NOS1AP: variants seen among roughly 807,000 people sequenced by gnomAD.
NOS1AP encodes carboxyl-terminal PDZ ligand of neuronal nitric oxide synthase protein.
A neutral mutation model predicts 56.2 loss-of-function variants in NOS1AP; 21 were observed. That is an observed-to-expected ratio of 0.37 (90% CI 0.26 to 0.54). The LOEUF (loss-of-function observed/expected upper bound fraction) is 0.54, where lower values mean the gene tolerates loss of function less well. NOS1AP is among the 20% of genes least tolerant of loss of function. NOS1AP has a pLI of 0.84. For synonymous variants in NOS1AP, 270 were observed against 274.6 expected (o/e 0.98, Z 0.17); for missense variants, 522 against 657.8 (o/e 0.79, Z 2.26).
chr1:162,122,250 T>A (rs56120039), intron 1 of NOS1AP, among the ~76,000 whole-genome samples: 2,405 of 152,298 alleles, frequency 0.016, 70 homozygotes, highest in African/African-American at 0.055. Context: ...ATATCATCAG[T>A]GTTAAAAAAC....
In NOS1AP at chr1:162,170,182, G is replaced by C. The variant is rs369236786; in HGVS notation, c.177+15706G>C. Among the ~76,000 whole-genome samples, 21 of 152,316 alleles carry C rather than the reference G, an allele frequency of 1.4e-4. 1 individual carries two copies. The highest frequency in any genetic ancestry group is 4.8e-4 in the African/African-American group (20 of 41,568). On this transcript the variant is annotated intron_variant, in intron 2 of 9. Coordinates refer to ENST00000361897, the MANE Select transcript of NOS1AP (RefSeq NM_014697.3). ...AGCAGTGACCTTGTGTTGGTCACAT[G>C]TGTCCCCTGAAGGATACAGCTCAGT... is the stretch of plus-strand genomic sequence containing the variant.
chr1:162,352,684 G>A lies in NOS1AP; in HGVS notation c.596-2503G>A, dbSNP rs139046119. On this transcript the variant is annotated intron_variant, in intron 6 of 9. Coordinates refer to ENST00000361897, the MANE Select transcript of NOS1AP (RefSeq NM_014697.3). Reference sequence around the variant, plus strand: ...GCTGCCTTTTTGCTGTGTCCTCACAGGGTGGAAAGAGAGGGATCTCCTACA... The same window carrying A: ...GCTGCCTTTTTGCTGTGTCCTCACAAGGTGGAAAGAGAGGGATCTCCTACA... 5.2e-4 allele frequency among the ~76,000 whole-genome samples: 79 copies of A among 151,986 alleles called. 1 individual carries two copies. The highest frequency in any genetic ancestry group is 1.8e-3 in the African/African-American group (76 of 41,292).
At chr1:162,302,985 TTGCA>T (rs1278261134) in intron 4 of NOS1AP, among the ~76,000 whole-genome samples, 1 of 152,238 alleles carries the variant, frequency 6.6e-6, no homozygotes, top group Non-Finnish European at 1.5e-5. Context: ...TTCCTTGTCA[TTGCA>T]TGTATCAGCA....
At chr1:162,161,125 G>A (rs1000558703) in intron 2 of NOS1AP, among the ~76,000 whole-genome samples, 8 of 152,144 alleles carry the variant, frequency 5.3e-5, no homozygotes, top group African/African-American at 7.2e-5. Context: ...AAGGTCCCTC[G>A]TTATTAGATT....
At chr1:162,136,436 C>T (rs1048984303) in intron 1 of NOS1AP, among the ~76,000 whole-genome samples, 2 of 152,094 alleles carry the variant, frequency 1.3e-5, no homozygotes, top group Admixed American at 1.3e-4. Flanking sequence ...AAAAGAAATG[C>T]AAGACATCAT....
chr1:162,174,681 C>T (rs1448195243), intron 2 of NOS1AP, among the ~76,000 whole-genome samples: 2 of 152,176 alleles, frequency 1.3e-5, no homozygotes, highest in Non-Finnish European at 2.9e-5. Context: ...CTATTATCAG[C>T]ATCTAATGTT....
intron 1 of NOS1AP, among the ~76,000 whole-genome samples, chr1:162,090,226 A>G (rs1692098867): frequency 6.6e-6 from 1 of 150,980 alleles, no homozygotes; most frequent in Non-Finnish European, 1.5e-5. Flanking sequence ...TGAATATTAA[A>G]TCTGTGGTTG....
intron 4 of NOS1AP, among the ~76,000 whole-genome samples, chr1:162,312,063 A>G (rs1173364865): frequency 4.0e-5 from 6 of 149,640 alleles, no homozygotes; most frequent in African/African-American, 1.5e-4. Flanking sequence ...GTGTCTTTAT[A>G]GCAGCATGAT....
chr1:162,226,234 G>C (rs371616229), intron 2 of NOS1AP, among the ~76,000 whole-genome samples: 1 of 151,986 alleles, frequency 6.6e-6, no homozygotes, highest in Non-Finnish European at 1.5e-5. Context: ...CAGAGGTTGC[G>C]GTGAGCTGAG....
chr1:162,349,217 T>G (rs1657408398), intron 6 of NOS1AP, among the ~76,000 whole-genome samples: 2 of 151,910 alleles, frequency 1.3e-5, no homozygotes, highest in Admixed American at 6.6e-5. Context: ...AAAAAGACCT[T>G]CAACTGATTG....
chr1:162,330,759 A>G (rs1656740439), intron 4 of NOS1AP, among the ~76,000 whole-genome samples: 1 of 152,256 alleles, frequency 6.6e-6, no homozygotes, highest in African/African-American at 2.4e-5. Flanking sequence ...GCAGAGCAGC[A>G]CACTGTTTAC....
chr1:162,163,135 T>G (rs1231688988), intron 2 of NOS1AP, among the ~76,000 whole-genome samples: 1 of 152,240 alleles, frequency 6.6e-6, no homozygotes, highest in Admixed American at 6.5e-5. Context: ...GTATCAGTAC[T>G]TCATTTCTTT....
chr1:162,189,550 G>GACA (rs1200246179), intron 2 of NOS1AP, among the ~76,000 whole-genome samples: 1 of 152,164 alleles, frequency 6.6e-6, no homozygotes, highest in Non-Finnish European at 1.5e-5. Flanking sequence ...ATCAGTATCT[G>GACA]ACAGAATGTT....
At chr1:162,295,440 T>G (rs146800283) in intron 3 of NOS1AP, among the ~76,000 whole-genome samples, 1,713 of 152,374 alleles carry the variant, frequency 0.011, 27 homozygotes, top group South Asian at 0.032. Context: ...CTATCTATTT[T>G]TGAAGCCAAC....
chr1:162,174,302 C>T (rs143221071), intron 2 of NOS1AP, among the ~76,000 whole-genome samples: 3,341 of 150,630 alleles, frequency 0.022, 119 homozygotes, highest in African/African-American at 0.078. Context: ...AGCAAACTAT[C>T]GCAACGACAA....
At chr1:162,254,639 G>A (rs1395045917) in intron 2 of NOS1AP, among the ~76,000 whole-genome samples, 4 of 152,300 alleles carry the variant, frequency 2.6e-5, no homozygotes, top group African/African-American at 4.8e-5. Flanking sequence ...AAGAGGATGC[G>A]ACTGGTGAAT....
chr1:162,306,334 G>C (rs1655825763), intron 4 of NOS1AP, among the ~76,000 whole-genome samples: 1 of 152,178 alleles, frequency 6.6e-6, no homozygotes, highest in African/African-American at 2.4e-5. Context: ...AGGAGAGCTT[G>C]ATGCCAAGCT....
intron 1 of NOS1AP, among the ~76,000 whole-genome samples, chr1:162,077,557 GGTATT>G (rs1198971092): frequency 5.3e-5 from 8 of 152,042 alleles, no homozygotes; most frequent in African/African-American, 1.9e-4. Flanking sequence ...TCACTTTCTT[GGTATT>G]GTCCTTTGAA....
chr1:162,370,130 T>C lies in NOS1AP; in HGVS notation c.*2663T>C, dbSNP rs1647351856. The stretch of plus-strand genomic sequence containing the variant: ...CGTGCACAGGAGGCTCCCACAGTTA[T>C]GGAGCCAGGAAAGAATTTCTCTGCA... On this transcript the variant is annotated 3_prime_UTR_variant, in exon 10 of 10. Transcript: ENST00000361897. 1.3e-5 allele frequency: 2 copies of C among 152,268 alleles called. No homozygotes were observed. Among genetic ancestry groups the C allele is most frequent in the African/African-American group, 2.4e-5 (1 of 41,466 alleles). 9.4% of individuals were successfully genotyped at this position (152,268 alleles called of 1,614,324 possible). A position where few individuals can be genotyped will look rare whatever the true frequency, so the allele number is the denominator to read the frequency against.
Sources: gnomAD v4.1 joint callset for allele counts (sites outside exome capture counted in the v4.1 genomes callset) on GRCh38, gnomAD v4.1.1 for gene constraint, MANE v1.5 for transcripts, NCBI Gene and HGNC (gene_info 2026-07-23, HGNC 2026-07-21) for gene names.